Variants in UACA observed in about 807,000 individuals in gnomAD.
The protein encoded by UACA is nuclear membrane binding protein.
UACA carries 112 observed loss-of-function variants against 160.5 expected under a neutral mutation model. The observed-to-expected ratio is 0.70, with a 90% confidence interval of 0.60 to 0.82. The LOEUF (loss-of-function observed/expected upper bound fraction) is 0.82. UACA is among the 40% of genes least tolerant of loss of function. The probability of loss-of-function intolerance (pLI) is 0.00; values close to 1 mark genes in which losing one functional copy is unlikely to be tolerated. For synonymous variants in UACA, 557 were observed against 568.4 expected (o/e 0.98, Z 0.29); for missense variants, 1,574 against 1,614.6 (o/e 0.97, Z 0.43).
At chr15:70,745,709 CTATAA>C (rs1306866795) in intron 1 of UACA, among the ~76,000 whole-genome samples, 1 of 152,166 alleles carries the variant, frequency 6.6e-6, no homozygotes, top group Non-Finnish European at 1.5e-5. Context: ...TGACTTCAAA[CTATAA>C]TATAAGGCTA....
At chr15:70,698,068 A>G (rs551151164) in intron 2 of UACA, among the ~76,000 whole-genome samples, 7 of 152,036 alleles carry the variant, frequency 4.6e-5, no homozygotes, top group Admixed American at 2.6e-4. Flanking sequence ...ATAAAAAAAT[A>G]AAAAAAATTC....
intron 7 of UACA, among the ~76,000 whole-genome samples, chr15:70,687,066 G>A (rs540969698): frequency 1.3e-5 from 2 of 152,300 alleles, no homozygotes; most frequent in South Asian, 2.1e-4. Flanking sequence ...CCCTGGCAGA[G>A]TAAGGAGAGA....
chr15:70,690,686 A>G (rs1206181130), intron 4 of UACA, among the ~76,000 whole-genome samples, 175 bp from the exon 5 acceptor site: 1 of 152,314 alleles, frequency 6.6e-6, no homozygotes, highest in Non-Finnish European at 1.5e-5. Context: ...GTAACATTAT[A>G]TAACTAAATT....
chr15:70,778,100 C>G, the UACA span, among the ~76,000 whole-genome samples: 4 of 151,860 alleles, frequency 2.6e-5, no homozygotes, highest in African/African-American at 9.7e-5. Flanking sequence ...ACCCAGGAGG[C>G]TGAGGAGGGA....
At chr15:70,743,349 C>T (rs564565568) in intron 1 of UACA, among the ~76,000 whole-genome samples, 7 of 152,290 alleles carry the variant, frequency 4.6e-5, no homozygotes, top group African/African-American at 1.7e-4. Flanking sequence ...ATGTCATTTG[C>T]TACGTAACAT....
At chr15:70,659,882 G>A (rs1159699222) in intron 18 of UACA, among the ~76,000 whole-genome samples, 1 of 152,038 alleles carries the variant, frequency 6.6e-6, no homozygotes, top group African/African-American at 2.4e-5. Context: ...ATTAACGTGT[G>A]CTACCATCAC....
chr15:70,690,521 T>C lies in UACA; in HGVS notation c.367-10A>G. On this transcript the variant is annotated splice_polypyrimidine_tract_variant and intron_variant, in intron 4 of 18. Transcript: ENST00000322954. Reference sequence around the variant, plus strand: ...CAGTGGGACAATTGTACTGTTAAAGTAAAGAAAACTTAGTAAAGTAGGAGA... The same window carrying C: ...CAGTGGGACAATTGTACTGTTAAAGCAAAGAAAACTTAGTAAAGTAGGAGA... 1 of 1,607,340 alleles carries C rather than the reference T, an allele frequency of 6.2e-7. No homozygotes were observed. Among genetic ancestry groups the C allele is most frequent in the Non-Finnish European group, 8.5e-7 (1 of 1,176,340 alleles).
intron 1 of UACA, chr15:70,701,745 G>T: frequency 1.2e-6 from 1 of 806,264 alleles, no homozygotes; most frequent in Non-Finnish European, 1.9e-6. Context: ...ACCCCAATCT[G>T]CTAATCAACT....
rs1899610890 is a variant in UACA, at chr15:70,743,819, A to G, written c.78+19511T>C. Among the ~76,000 whole-genome samples, 4 of 152,196 alleles carry G rather than the reference A, an allele frequency of 2.6e-5. No individual in the cohort carries two copies. In the South Asian group the frequency reaches 8.3e-4, roughly 32 times the overall value. The stretch of plus-strand genomic sequence containing the variant: ...AATGCCTGGAAAAGCCAAAAGCAAA[A>G]GACTCTGAACCAGTGGCAATTTCCA... On this transcript the variant is annotated intron_variant, in intron 1 of 18. Transcript: ENST00000322954.
chr15:70,670,584 T>C (rs892236218), intron 15 of UACA, among the ~76,000 whole-genome samples: 4 of 152,096 alleles, frequency 2.6e-5, no homozygotes, highest in African/African-American at 9.7e-5. Flanking sequence ...AGCCGAATCC[T>C]TTCCTCTGAA....
rs1043712967 is a variant in UACA at position 70,690,557 on chromosome 15, A to C, written c.367-46T>G. 2.8e-6 allele frequency: 4 copies of C among 1,448,646 alleles called. No homozygotes were observed. The African/African-American group carries it at 5.7e-5, about 21-fold the overall frequency. The allele number at this position is 1,448,646 out of a possible 1,614,324, so 89.7% of individuals were successfully genotyped here. On this transcript the variant is annotated intron_variant, in intron 4 of 18. Transcript: ENST00000322954. ...TAGTAAAGTAGGAGAGTTTTATTTT[A>C]AAATTAGATATCCAGACTCAGATGA...
chr15:70,763,027 C>A (rs147126409), intron 1 of UACA, among the ~76,000 whole-genome samples: 4 of 152,104 alleles, frequency 2.6e-5, no homozygotes, highest in Non-Finnish European at 2.9e-5. Context: ...GGGTGCCAAT[C>A]GAGGAACTTT....
chr15:70,694,751 A>G lies in UACA; in HGVS notation c.301+266T>C, dbSNP rs552339480. On this transcript the variant is annotated intron_variant, in intron 3 of 18. Coordinates refer to ENST00000322954, the MANE Select transcript of UACA (RefSeq NM_018003.4). ...CCCTAATGGTTCTTCAAAATCTGAGATTCTAGGATTCTGTAACACTACTAG... is the reference window on the plus strand; with the variant it reads ...CCCTAATGGTTCTTCAAAATCTGAGGTTCTAGGATTCTGTAACACTACTAG... 1.2e-3 allele frequency among the ~76,000 whole-genome samples: 178 copies of G among 152,212 alleles called. 2 individuals are homozygous for G. Among genetic ancestry groups the G allele is most frequent in the Admixed American group, 2.4e-3 (36 of 15,284 alleles).
intron 1 of UACA, among the ~76,000 whole-genome samples, chr15:70,752,237 CAAAAAA>C (rs35156370): frequency 4.7e-5 from 5 of 105,928 alleles, no homozygotes; most frequent in Non-Finnish European, 6.0e-5. Flanking sequence ...AAAACTCCAT[CAAAAAA>C]AAAAAAAAAA....
chr15:70,770,436 A>T, the UACA span, among the ~76,000 whole-genome samples: 18 of 152,212 alleles, frequency 1.2e-4, no homozygotes, highest in Non-Finnish European at 2.6e-4. Flanking sequence ...TCTTTACATC[A>T]TCTATATCTA....
chr15:70,662,992 A>G lies in UACA; in HGVS notation c.4113+1670T>C, dbSNP rs568857459. ...CTAAAACACCAAAAGCAATGGCAAC[A>G]AAAGCCAAAATTGACAAATGGGATC... On this transcript the variant is annotated intron_variant, in intron 17 of 18. Transcript: ENST00000322954. Among the ~76,000 whole-genome samples, 25 of 151,820 alleles carry G rather than the reference A, an allele frequency of 1.6e-4. 1 individual carries two copies. Among genetic ancestry groups the G allele is most frequent in the African/African-American group, 1.9e-4 (8 of 41,502 alleles).
At chr15:70,761,414 AG>A (rs2051704601) in intron 1 of UACA, among the ~76,000 whole-genome samples, 3 of 152,022 alleles carry the variant, frequency 2.0e-5, no homozygotes, top group African/African-American at 7.2e-5. Context: ...AAAAAAAAAA[AG>A]GGTGGCCCAA....
intron 1 of UACA, among the ~76,000 whole-genome samples, chr15:70,705,554 T>TA (rs1898501839): frequency 1.3e-5 from 2 of 151,276 alleles, no homozygotes; most frequent in African/African-American, 4.9e-5. Flanking sequence ...TAAAATAAAA[T>TA]AAAAAAATAA....
chr15:70,700,419 CAG>C (rs1898313533), intron 1 of UACA, among the ~76,000 whole-genome samples: 1 of 150,060 alleles, frequency 6.7e-6, no homozygotes, highest in Non-Finnish European at 1.5e-5. Context: ...CTAAAAATGA[CAG>C]ACTCTAAAGT....
Sources: allele counts gnomAD v4.1 joint callset (sites outside exome capture counted in the v4.1 genomes callset), GRCh38; gene constraint gnomAD v4.1.1; transcripts MANE v1.5; gene names NCBI Gene and HGNC (gene_info 2026-07-23, HGNC 2026-07-21).